Variants in PAAF1 observed in about 807,000 individuals in gnomAD.
PAAF1 encodes proteasomal ATPase-associated factor 1.
PAAF1 carries 46 observed loss-of-function variants against 52.8 expected under a neutral mutation model. The ratio of observed to expected loss-of-function variants is 0.87; its 90% CI spans 0.69 to 1.11. The LOEUF is 1.11. Ranked by LOEUF, PAAF1 falls within the 50% of genes most tolerant of loss-of-function variation. PAAF1 has a pLI of 0.00. For missense variants in PAAF1, 424 were observed against 477.4 expected (o/e 0.89, Z 1.04); for synonymous variants, 178 against 172.8 (o/e 1.03, Z -0.24).
chr11:73,887,428 G>A lies in PAAF1; in HGVS notation c.163G>A (p.Glu55Lys). 6.2e-7 allele frequency: 1 copy of A among 1,608,798 alleles called. No homozygotes were observed. The highest frequency in any genetic ancestry group is 2.2e-5 in the East Asian group (1 of 44,736). The change falls in exon 3 of 12, where the codon GAA becomes AAA. Residue 55 changes from glutamate to lysine, a missense_variant. By Grantham distance (56) the Glu-to-Lys change is moderately conservative (BLOSUM62 1). Coordinates refer to ENST00000310571, the MANE Select transcript of PAAF1 (RefSeq NM_025155.3). Reference protein sequence around the residue: ...LDGIPEVTASEGFTVNEINKK... With the variant: ...LDGIPEVTASKGFTVNEINKK... ...TGGCATCCCAGAGGTTACAGCTTCAGAAGGATTTACTGTGAATGAAATAAA... is the reference window on the plus strand; with the variant it reads ...TGGCATCCCAGAGGTTACAGCTTCAAAAGGATTTACTGTGAATGAAATAAA...
intron 3 of PAAF1, among the ~76,000 whole-genome samples, chr11:73,888,148 C>A (rs1473258095): frequency 6.6e-6 from 1 of 152,132 alleles, no homozygotes; most frequent in Non-Finnish European, 1.5e-5. Context: ...TTTTACATTT[C>A]TTTTTCTTAT....
At chr11:73,877,124 G>T in intron 1 of PAAF1, 56 bp downstream of exon 1, 1 of 1,466,354 alleles carries the variant, frequency 6.8e-7, no homozygotes, top group South Asian at 1.4e-5. Flanking sequence ...GTTGCTTTGC[G>T]TCAAGGAGAG....
chr11:73,924,437 ACT>A (rs1420136008), intron 10 of PAAF1, among the ~76,000 whole-genome samples, 176 bp from the exon 11 acceptor site: 4 of 151,740 alleles, frequency 2.6e-5, no homozygotes, highest in African/African-American at 9.7e-5. Context: ...AAAGAACGAA[ACT>A]CTGTCTCAAA....
At chr11:73,908,327 G>GTATATATATGTGTATATATGTA (rs1565143651) in intron 6 of PAAF1, among the ~76,000 whole-genome samples, 2 of 142,980 alleles carry the variant, frequency 1.4e-5, no homozygotes, top group African/African-American at 5.1e-5. Flanking sequence ...GTGTATATAT[G>GTATATATATGTGTATATATGTA]TATATATATG....
chr11:73,923,157 GAGA>G (rs1441651970), intron 10 of PAAF1, among the ~76,000 whole-genome samples: 4 of 152,032 alleles, frequency 2.6e-5, no homozygotes, highest in Non-Finnish European at 5.9e-5. Context: ...TTCATTTTTG[GAGA>G]AGGTGATTTT....
chr11:73,916,757 G>A, intron 9 of PAAF1, 97 bp downstream of exon 9: 1 of 703,940 alleles, frequency 1.4e-6, no homozygotes, highest in Non-Finnish European at 2.3e-6. Context: ...GATAACTATT[G>A]AATCAAGGGT....
Position 73,900,427 on chromosome 11 carries a change from A to C in PAAF1, c.532+7A>C, listed in dbSNP as rs202080531. The C allele has an allele frequency of 8.9e-5, 141 of 1,578,976 alleles. No individual in the cohort carries two copies. Among genetic ancestry groups the C allele is most frequent in the Non-Finnish European group, 1.1e-4 (133 of 1,158,050 alleles). On this transcript the variant is annotated splice_region_variant and intron_variant, in intron 6 of 11. Coordinates refer to ENST00000310571, the MANE Select transcript of PAAF1 (RefSeq NM_025155.3). ...TTCAAAGGTCACAAAGGAGGTATGA[A>C]GTGTGCTTTCTCCAAAAGGCTTCTC...
intron 5 of PAAF1, 63 bp from the exon 6 acceptor site, chr11:73,900,207 A>G (rs1949557285): frequency 9.9e-6 from 15 of 1,511,214 alleles, no homozygotes; most frequent in Non-Finnish European, 1.3e-5. Context: ...AGAGTATGGG[A>G]GGTAAGAGAA....
chr11:73,911,732 C>A (rs769481022), intron 7 of PAAF1, among the ~76,000 whole-genome samples: 35 of 149,192 alleles, frequency 2.3e-4, no homozygotes, highest in Admixed American at 7.5e-4. Context: ...TTCAAGTGTT[C>A]GAGTGATTCT....
At chr11:73,905,424 A>G (rs944186400) in intron 6 of PAAF1, among the ~76,000 whole-genome samples, 1 of 152,110 alleles carries the variant, frequency 6.6e-6, no homozygotes, top group Non-Finnish European at 1.5e-5. Context: ...GGGTTTCACC[A>G]TATTGGCAAG....
At chr11:73,901,807 G>C (rs528965058) in intron 6 of PAAF1, among the ~76,000 whole-genome samples, 1 of 151,614 alleles carries the variant, frequency 6.6e-6, no homozygotes, top group African/African-American at 2.4e-5. Flanking sequence ...TGACCTCAGG[G>C]TGATCCACCA....
intron 6 of PAAF1, among the ~76,000 whole-genome samples, chr11:73,904,198 G>A (rs995226553): frequency 6.6e-6 from 1 of 151,916 alleles, no homozygotes; most frequent in Non-Finnish European, 1.5e-5. Context: ...TTAACAAGCA[G>A]AGGTAAGGTT....
rs552927886 is a variant in PAAF1 at position 73,924,473 on chromosome 11, G to A, written c.1019-142G>A. 3.3e-4 allele frequency: 220 copies of A among 665,022 alleles called. 1 individual carries two copies. In the African/African-American group the frequency reaches 3.5e-3, roughly 11 times the overall value. The allele number at this position is 665,022 out of a possible 1,614,324, so 41.2% of individuals were successfully genotyped here. A position where few individuals can be genotyped will look rare whatever the true frequency, so the allele number is the denominator to read the frequency against. ...AAAAACAAAAAAAAAGTTGGCCCAC[G>A]TAATAAGATCTATTTGCCATTCTGG... On this transcript the variant is annotated intron_variant, in intron 10 of 11. Transcript: ENST00000310571.
Position 73,878,831 on chromosome 11 carries a change from G to A in PAAF1, c.88+12G>A, listed in dbSNP as rs1403308223. ...CTGTCATCCCCCAGGTAATACCCAT[G>A]AATTATATATGCTGTGACTTTAAAG... On this transcript the variant is annotated intron_variant, in intron 2 of 11. Coordinates refer to ENST00000310571, the MANE Select transcript of PAAF1 (RefSeq NM_025155.3). 1 of 1,612,086 alleles carries A rather than the reference G, an allele frequency of 6.2e-7. No individual in the cohort carries two copies. Among genetic ancestry groups the A allele is most frequent in the Non-Finnish European group, 8.5e-7 (1 of 1,178,566 alleles).
chr11:73,882,671 C>T (rs947572560), intron 2 of PAAF1, among the ~76,000 whole-genome samples: 2 of 151,046 alleles, frequency 1.3e-5, no homozygotes, highest in Non-Finnish European at 3.0e-5. Context: ...GGCATGTTCT[C>T]GGCTCACTGC....
chr11:73,887,738 A>G (rs896464032), intron 3 of PAAF1, among the ~76,000 whole-genome samples: 1 of 152,164 alleles, frequency 6.6e-6, no homozygotes, highest in Non-Finnish European at 1.5e-5. Flanking sequence ...GATAAAAATA[A>G]ACAATGAAAT....
chr11:73,914,126 A>C (rs921678367), intron 7 of PAAF1, among the ~76,000 whole-genome samples: 1 of 152,242 alleles, frequency 6.6e-6, no homozygotes, highest in Non-Finnish European at 1.5e-5. Context: ...GGTATCTTTT[A>C]CATATGGTAA....
chr11:73,912,490 G>C (rs1305295974), intron 7 of PAAF1, among the ~76,000 whole-genome samples: 1 of 152,028 alleles, frequency 6.6e-6, no homozygotes, highest in East Asian at 1.9e-4. Context: ...ACTTCAAAGT[G>C]TTTCTAATTT....
intron 7 of PAAF1, among the ~76,000 whole-genome samples, chr11:73,913,554 A>T (rs1949988101): frequency 6.6e-6 from 1 of 152,106 alleles, no homozygotes; most frequent in African/African-American, 2.4e-5. Flanking sequence ...TTTAGAACTC[A>T]TCACTTTCTG....
Sources: allele counts gnomAD v4.1 joint callset (sites outside exome capture counted in the v4.1 genomes callset), GRCh38; gene constraint gnomAD v4.1.1; transcripts MANE v1.5; gene names NCBI Gene and HGNC (gene_info 2026-07-23, HGNC 2026-07-21).